The following NECAB3 variants were observed in gnomAD, a reference collection of about 807,000 sequenced individuals.
NECAB3 encodes the protein N-terminal EF-hand calcium binding protein 3.
In NECAB3, 38 loss-of-function variants were observed where a neutral mutation model predicts 57.2. That is an observed-to-expected ratio of 0.66 (90% confidence interval 0.51 to 0.87). NECAB3 has a LOEUF of 0.87. NECAB3 is among the 40% of genes least tolerant of loss of function. The probability of loss-of-function intolerance (pLI) is 0.00; values close to 1 mark genes in which losing one functional copy is unlikely to be tolerated. For synonymous variants in NECAB3, 223 were observed against 222.6 expected (o/e 1.00, Z -0.02); for missense variants, 474 against 527.5 (o/e 0.90, Z 0.99).
intron 1 of NECAB3, 71 bp from the exon 2 acceptor site, chr20:33,672,493 A>C: frequency 4.4e-6 from 7 of 1,590,476 alleles, no homozygotes; most frequent in Non-Finnish European, 6.0e-6. Context: ...ACTCAACCCG[A>C]CAGGGTCCCA....
In NECAB3 at chr20:33,669,633, G is replaced by A. The variant is rs763639755; in HGVS notation, c.289+54C>T. Reference sequence around the variant, plus strand: ...GACCAGCAACAGTCCCTTGCCACACGTACCCTGGGGCCCAGGGGCCACAGG... The same window carrying A: ...GACCAGCAACAGTCCCTTGCCACACATACCCTGGGGCCCAGGGGCCACAGG... On this transcript the variant is annotated intron_variant, in intron 4 of 11. Coordinates refer to ENST00000246190, the MANE Select transcript of NECAB3 (RefSeq NM_031232.4). 3.7e-5 allele frequency: 57 copies of A among 1,557,752 alleles called. 1 individual carries two copies. Among genetic ancestry groups the A allele is most frequent in the African/African-American group, 4.1e-5 (3 of 73,068 alleles).
chr20:33,659,744 G>T lies in NECAB3; in HGVS notation c.644-12C>A, dbSNP rs766883764. ...CTCTGAGCTGCGCCCTGTGTGTGGG[G>T]CCCGTGCAGGGTCAGGCAGGGGCCT... On this transcript the variant is annotated splice_polypyrimidine_tract_variant and intron_variant, in intron 7 of 11. Transcript: ENST00000246190. 2.0e-5 allele frequency: 31 copies of T among 1,578,256 alleles called. No homozygotes were observed. The highest frequency in any genetic ancestry group is 2.3e-5 in the Non-Finnish European group (27 of 1,166,238).
intron 4 of NECAB3, 82 bp from the exon 5 acceptor site, chr20:33,669,554 C>T: frequency 6.4e-7 from 1 of 1,563,652 alleles, no homozygotes; most frequent in East Asian, 2.3e-5. Context: ...TGGAATTCCT[C>T]AGCAGCCAAG....
Position 33,660,469 on chromosome 20 carries a change from G to T in NECAB3, c.388-74C>A. The T allele has an allele frequency of 1.3e-6, 2 of 1,571,214 alleles. No homozygotes were observed. The highest frequency in any genetic ancestry group is 1.7e-5 in the Admixed American group (1 of 58,128). ...CTCTTGAGTGGGTCCCCTGCCTCTT[G>T]CCCATCAGAGCAGCGGTGGCAGTGC... On this transcript the variant is annotated intron_variant, in intron 5 of 11. Coordinates refer to ENST00000246190, the MANE Select transcript of NECAB3 (RefSeq NM_031232.4). This position sits in a 1 kb window ranked among gnomAD's most constrained non-coding sequence, Gnocchi z 4.1.
chr20:33,662,662 T>C, intron 5 of NECAB3: 2 of 653,854 alleles, frequency 3.1e-6, no homozygotes, highest in South Asian at 4.1e-5. Context: ...ATGGGGGTCC[T>C]TTCAAGGTGG....
At chr20:33,659,836 G>A (rs1302539754) in intron 7 of NECAB3, 49 bp downstream of exon 7, 11 of 1,535,014 alleles carry the variant, frequency 7.2e-6, no homozygotes, top group African/African-American at 4.1e-5. Context: ...GGGGAAGGGG[G>A]GATGCGGTGC....
Position 33,674,285 on chromosome 20 carries a change from G to A in NECAB3, c.68C>T (p.Thr23Ile), listed in dbSNP as rs1390487656. The A allele has an allele frequency of 1.6e-6, 2 of 1,227,666 alleles. No homozygotes were observed. Among genetic ancestry groups the A allele is most frequent in the African/African-American group, 1.6e-5 (1 of 64,114 alleles). The allele number at this position is 1,227,666 out of a possible 1,614,324, so 76.0% of individuals were successfully genotyped here. A position where few individuals can be genotyped will look rare whatever the true frequency, so the allele number is the denominator to read the frequency against. ...GGGCGCGAGCTGGGGGTGCCGCGGG[G>A]TCTGGGGCTGGGGCTGGGGCGCGGG... ...RPPAPQPQPQ[T>I]PRHPQLAPDP... Residue 23 changes from threonine (T) to isoleucine (I), a missense_variant, in exon 1 of 12, where the codon ACC becomes ATC. Thr to Ile is a moderately conservative substitution (Grantham distance 89). Coordinates refer to ENST00000246190, the MANE Select transcript of NECAB3 (RefSeq NM_031232.4).
chr20:33,660,031 A>C lies in NECAB3; in HGVS notation c.525-28T>G. ...AGAGGAAGTGAGGCTCACAGGGCCG[A>C]GGACTGGGGCCCCAGGACGGGATAA... On this transcript the variant is annotated intron_variant, in intron 6 of 11. Coordinates refer to ENST00000246190, the MANE Select transcript of NECAB3 (RefSeq NM_031232.4). The surrounding 1 kb of genome is among the most constrained non-coding windows in gnomAD (Gnocchi z 4.1). 1.3e-6 allele frequency: 2 copies of C among 1,565,432 alleles called. No individual in the cohort carries two copies. The highest frequency in any genetic ancestry group is 1.7e-6 in the Non-Finnish European group (2 of 1,155,948).
Sources: gnomAD v4.1 joint callset for allele counts on GRCh38, gnomAD v4.1.1 for gene constraint, Gnocchi (gnomAD v3.1) non-coding constraint, MANE v1.5 for transcripts, NCBI Gene and HGNC (gene_info 2026-07-23, HGNC 2026-07-21) for gene names.